Variants in DSCAM observed in about 807,000 individuals in gnomAD.
DSCAM encodes DS cell adhesion molecule, also known as cell adhesion molecule DSCAM.
A neutral mutation model predicts 217.7 loss-of-function variants in DSCAM; 47 were observed. That is an observed-to-expected ratio of 0.22 (90% CI 0.17 to 0.28). DSCAM has a LOEUF of 0.28. Among genes scored for constraint, DSCAM ranks in the 10% least tolerant of loss-of-function variants. The probability of loss-of-function intolerance (pLI) is 1.00; values close to 1 mark genes in which losing one functional copy is unlikely to be tolerated. For synonymous variants in DSCAM, 1,056 were observed against 1,015.3 expected (o/e 1.04, Z -0.76); for missense variants, 2,080 against 2,618.3 (o/e 0.79, Z 4.49).
chr21:40,767,069 G>A (rs2091399878), intron 1 of DSCAM, among the ~76,000 whole-genome samples: 1 of 152,132 alleles, frequency 6.6e-6, no homozygotes, highest in African/African-American at 2.4e-5. Flanking sequence ...TTATGGGTAG[G>A]GGAAATGTGG....
At chr21:40,329,768 A>G (rs2074357030) in intron 8 of DSCAM, among the ~76,000 whole-genome samples, 2 of 152,134 alleles carry the variant, frequency 1.3e-5, no homozygotes, top group Admixed American at 6.6e-5. Context: ...AGAACATTAT[A>G]TTAAGTGAAA....
intron 3 of DSCAM, among the ~76,000 whole-genome samples, chr21:40,688,088 A>C (rs1477955648): frequency 6.6e-6 from 1 of 152,228 alleles, no homozygotes; most frequent in African/African-American, 2.4e-5. Flanking sequence ...ATTCTCCTTG[A>C]ATCATCACTA....
chr21:40,368,418 T>C (rs1279743550), intron 4 of DSCAM, among the ~76,000 whole-genome samples: 2 of 152,160 alleles, frequency 1.3e-5, no homozygotes, highest in Non-Finnish European at 2.9e-5. Flanking sequence ...CAAAAATACT[T>C]GCAAGTTCAA....
At chr21:40,561,140 G>A (rs1300713025) in intron 3 of DSCAM, among the ~76,000 whole-genome samples, 1 of 152,168 alleles carries the variant, frequency 6.6e-6, no homozygotes, top group Non-Finnish European at 1.5e-5. Flanking sequence ...TTTGGTAAGA[G>A]CATAGGCTTT....
In DSCAM at chr21:40,795,949, A is replaced by G. The variant is rs750957440; in HGVS notation, c.43+50670T>C. On this transcript the variant is annotated intron_variant, in intron 1 of 32. Coordinates refer to ENST00000400454, the MANE Select transcript of DSCAM (RefSeq NM_001389.5). The stretch of plus-strand genomic sequence containing the variant: ...AACTGTGCAGTGAGGACTAGGGTGA[A>G]GTATGAGAACAAAAACAAAAGCAAT... Among the ~76,000 whole-genome samples the G allele has an allele frequency of 4.6e-4, 70 of 152,346 alleles. 1 individual carries two copies. Among genetic ancestry groups the G allele is most frequent in the Admixed American group, 5.9e-4 (9 of 15,302 alleles).
chr21:40,267,752 C>T lies in DSCAM; in HGVS notation c.2356+8345G>A, dbSNP rs150454191. On this transcript the variant is annotated intron_variant, in intron 11 of 32. Coordinates refer to ENST00000400454, the MANE Select transcript of DSCAM (RefSeq NM_001389.5). ...TCTCTACTAAAATATAAAACTTAGACGGGCATGGTGGCAGGTGCCTGTAAG... is the reference window on the plus strand; with the variant it reads ...TCTCTACTAAAATATAAAACTTAGATGGGCATGGTGGCAGGTGCCTGTAAG... Among the ~76,000 whole-genome samples the T allele has an allele frequency of 1.6e-3, 247 of 152,144 alleles. 4 individuals carry two copies. Among genetic ancestry groups the T allele is most frequent in the Non-Finnish European group, 1.5e-4 (10 of 68,006 alleles).
chr21:40,334,872 A>G (rs1047407630), intron 8 of DSCAM, among the ~76,000 whole-genome samples: 8 of 151,956 alleles, frequency 5.3e-5, no homozygotes, highest in African/African-American at 1.2e-4. Context: ...AAGTCATCCA[A>G]TAAAGCCCCC....
intron 3 of DSCAM, among the ~76,000 whole-genome samples, chr21:40,525,825 A>G (rs1179366312): frequency 6.6e-6 from 1 of 152,212 alleles, no homozygotes; most frequent in African/African-American, 2.4e-5. Flanking sequence ...GCTCCTACTG[A>G]AAACCCCTGT....
intron 4 of DSCAM, among the ~76,000 whole-genome samples, chr21:40,357,055 G>C (rs999546674): frequency 1.3e-5 from 2 of 152,100 alleles, no homozygotes; most frequent in African/African-American, 4.8e-5. Context: ...TACTTGATGA[G>C]CTTCCAGGAC....
At chr21:40,259,116 A>G (rs2073412753) in intron 11 of DSCAM, among the ~76,000 whole-genome samples, 1 of 152,228 alleles carries the variant, frequency 6.6e-6, no homozygotes, top group East Asian at 1.9e-4. Flanking sequence ...ATGCATACTA[A>G]CATATACTCT....
At chr21:40,718,992 T>G (rs1039139926) in intron 1 of DSCAM, among the ~76,000 whole-genome samples, 3 of 152,200 alleles carry the variant, frequency 2.0e-5, no homozygotes, top group Middle Eastern at 3.4e-3. Flanking sequence ...GGCATGCTCC[T>G]GTAGTCCCAG....
chr21:40,017,609 T>C (rs577669033), intron 32 of DSCAM, among the ~76,000 whole-genome samples: 1 of 152,006 alleles, frequency 6.6e-6, no homozygotes, highest in South Asian at 2.1e-4. Flanking sequence ...TCGCCCAGGC[T>C]GGAGTGCAAC....
chr21:40,662,531 C>T (rs2090149789), intron 3 of DSCAM, among the ~76,000 whole-genome samples: 1 of 152,218 alleles, frequency 6.6e-6, no homozygotes, highest in Admixed American at 6.5e-5. Context: ...CAAAGTTTTG[C>T]TTTATGCCAA....
chr21:40,756,976 C>CGTGT (rs1555886227), intron 1 of DSCAM, among the ~76,000 whole-genome samples: 27 of 149,708 alleles, frequency 1.8e-4, no homozygotes, highest in South Asian at 6.4e-4. Flanking sequence ...AACAAATGGT[C>CGTGT]GTGTGTGTGT....
chr21:40,124,473 A>G lies in DSCAM; in HGVS notation c.3563-145T>C, dbSNP rs371908799. 32 of 1,027,000 alleles carry G rather than the reference A, an allele frequency of 3.1e-5. No homozygotes were observed. In the East Asian group the frequency reaches 3.3e-4, roughly 11 times the overall value. The allele number at this position is 1,027,000 out of a possible 1,614,324, so 63.6% of individuals were successfully genotyped here. On this transcript the variant is annotated intron_variant, in intron 19 of 32. Transcript: ENST00000400454. ...GGTTCCGCTGTGTCCCCCCAAATGC[A>G]TATGTTGAAGTCCTAACCCCCAGGA...
intron 20 of DSCAM, among the ~76,000 whole-genome samples, chr21:40,120,537 C>T (rs2090021878): frequency 6.6e-6 from 1 of 152,190 alleles, no homozygotes; most frequent in Admixed American, 6.5e-5. Flanking sequence ...TTTGGATTTT[C>T]ATTGCTTATA....
chr21:40,608,960 A>G (rs892499547), intron 3 of DSCAM, among the ~76,000 whole-genome samples: 1 of 151,932 alleles, frequency 6.6e-6, no homozygotes, highest in Non-Finnish European at 1.5e-5. Flanking sequence ...TTATTAATTA[A>G]TTAATTAATT....
chr21:40,330,257 A>G (rs2074362529), intron 8 of DSCAM, among the ~76,000 whole-genome samples: 1 of 148,046 alleles, frequency 6.8e-6, no homozygotes, highest in African/African-American at 2.5e-5. Flanking sequence ...TTATGCATAT[A>G]TTTATATATA....
chr21:40,505,936 A>G (rs1203469421), intron 3 of DSCAM, among the ~76,000 whole-genome samples: 1 of 152,212 alleles, frequency 6.6e-6, no homozygotes, highest in East Asian at 1.9e-4. Flanking sequence ...AAGTAGCTGT[A>G]TCTGACTCAT....
Sources: allele counts gnomAD v4.1 joint callset (sites outside exome capture counted in the v4.1 genomes callset), GRCh38; gene constraint gnomAD v4.1.1; transcripts MANE v1.5; gene names NCBI Gene and HGNC (gene_info 2026-07-23, HGNC 2026-07-21).